Variants in GALNTL5 observed in about 807,000 individuals in gnomAD.
The protein encoded by GALNTL5 is polypeptide N-acetylgalactosaminyltransferase like 5.
In GALNTL5, 44 loss-of-function variants were observed where a neutral mutation model predicts 51.0. The observed-to-expected ratio is 0.86, with a 90% CI of 0.68 to 1.11. The LOEUF (loss-of-function observed/expected upper bound fraction) is 1.11, where lower values mean the gene tolerates loss of function less well. GALNTL5 is among the 50% of genes least tolerant of loss of function. The pLI is 0.00. For missense variants in GALNTL5, 528 were observed against 531.8 expected, an observed-to-expected ratio of 0.99 and a Z score of 0.07; for synonymous variants, 192 against 182.8, an observed-to-expected ratio of 1.05 and a Z score of -0.41.
Position 151,967,595 on chromosome 7 carries a change from A to C in GALNTL5, c.247+102A>C, listed in dbSNP as rs1043096211. 7.6e-6 allele frequency: 7 copies of C among 917,524 alleles called. No individual in the cohort carries two copies. In the Admixed American group the frequency reaches 7.7e-5, roughly 10 times the overall value. The allele number at this position is 917,524 out of a possible 1,614,324, so 56.8% of individuals were successfully genotyped here. ...GAGACTATCCTTTTTAAAGCAATTTACTTTTTAAGATATAAATTATTTTAT... is the reference window on the plus strand; with the variant it reads ...GAGACTATCCTTTTTAAAGCAATTTCCTTTTTAAGATATAAATTATTTTAT... On this transcript the variant is annotated intron_variant, in intron 2 of 8. Coordinates refer to ENST00000392800, the MANE Select transcript of GALNTL5 (RefSeq NM_145292.4).
intron 3 of GALNTL5, among the ~76,000 whole-genome samples, chr7:151,973,043 G>A (rs1180082071): frequency 6.6e-6 from 1 of 152,160 alleles, no homozygotes; most frequent in Non-Finnish European, 1.5e-5. Flanking sequence ...GAAAGCAGCT[G>A]CGGGGGATGT....
At chr7:151,956,857 C>T (rs1374203589) in intron 1 of GALNTL5, among the ~76,000 whole-genome samples, 1 of 152,036 alleles carries the variant, frequency 6.6e-6, no homozygotes, top group African/African-American at 2.4e-5. Context: ...GGAAACTTTT[C>T]ATTACATGTG....
chr7:152,008,345 C>A (rs1298485109), intron 7 of GALNTL5, among the ~76,000 whole-genome samples: 1 of 151,780 alleles, frequency 6.6e-6, no homozygotes, highest in East Asian at 2.0e-4. Flanking sequence ...CCTCCCAAAG[C>A]ACTGAGATTA....
chr7:151,993,714 G>C (rs2081457121), intron 5 of GALNTL5, among the ~76,000 whole-genome samples: 5 of 152,024 alleles, frequency 3.3e-5, no homozygotes, highest in Admixed American at 3.3e-4. Context: ...CGAACTCCTG[G>C]GGTCAAGTGA....
chr7:151,969,985 T>C (rs1435226707), intron 2 of GALNTL5, among the ~76,000 whole-genome samples: 1 of 145,498 alleles, frequency 6.9e-6, no homozygotes, highest in South Asian at 2.2e-4. Flanking sequence ...TTTTTTTTTG[T>C]ATTTTTAGGA....
At chr7:152,018,434 CTT>C (rs1427491119) in intron 8 of GALNTL5, among the ~76,000 whole-genome samples, 1 of 151,972 alleles carries the variant, frequency 6.6e-6, no homozygotes, top group Non-Finnish European at 1.5e-5. Context: ...TACGACAACT[CTT>C]GAGCTTATTT....
At chr7:151,999,465 C>T (rs1011895345) in intron 5 of GALNTL5, among the ~76,000 whole-genome samples, 2 of 152,238 alleles carry the variant, frequency 1.3e-5, no homozygotes, top group African/African-American at 4.8e-5. Context: ...ACCATTTACA[C>T]TCCCACCAGC....
intron 3 of GALNTL5, among the ~76,000 whole-genome samples, chr7:151,977,120 T>C (rs2081216564): frequency 6.6e-6 from 1 of 152,202 alleles, no homozygotes; most frequent in Admixed American, 6.5e-5. Flanking sequence ...CTAAATTATA[T>C]GTTATGACAA....
At chr7:151,974,039 T>C (rs1055544351) in intron 3 of GALNTL5, among the ~76,000 whole-genome samples, 8 of 152,186 alleles carry the variant, frequency 5.3e-5, no homozygotes, top group Non-Finnish European at 1.0e-4. Flanking sequence ...TCTGCCATGA[T>C]TATAAGTTTC....
intron 1 of GALNTL5, among the ~76,000 whole-genome samples, chr7:151,960,839 G>A (rs546419200): frequency 2.0e-5 from 3 of 152,334 alleles, no homozygotes; most frequent in Admixed American, 6.5e-5. Context: ...TCTCGGTAGC[G>A]CAGCACAGCA....
intron 6 of GALNTL5, among the ~76,000 whole-genome samples, chr7:152,004,001 T>A (rs1175859189): frequency 6.6e-6 from 1 of 152,140 alleles, no homozygotes; most frequent in Non-Finnish European, 1.5e-5. Context: ...AAATTAAGAA[T>A]CTTATAAATA....
intron 7 of GALNTL5, among the ~76,000 whole-genome samples, chr7:152,008,757 T>A (rs1334127665): frequency 1.3e-5 from 2 of 152,202 alleles, no homozygotes; most frequent in Non-Finnish European, 2.9e-5. Flanking sequence ...TTTGCTTGCT[T>A]TGTTTTTTTC....
chr7:151,993,148 T>C lies in GALNTL5; in HGVS notation c.658+5867T>C, dbSNP rs1330209680. 7.9e-5 allele frequency among the ~76,000 whole-genome samples: 12 copies of C among 151,560 alleles called. 1 individual carries two copies. The highest frequency in any genetic ancestry group is 7.9e-4 in the Admixed American group (12 of 15,202). ...ACTCAGGAGGCTGAGGCAGGAGAAT[T>C]GCTTGAACCCAGGAGGTGGAGGCTG... On this transcript the variant is annotated intron_variant, in intron 5 of 8. Transcript: ENST00000392800.
intron 5 of GALNTL5, among the ~76,000 whole-genome samples, chr7:151,989,665 T>A (rs2081402432): frequency 6.6e-6 from 1 of 152,212 alleles, no homozygotes; most frequent in South Asian, 2.1e-4. Flanking sequence ...AATGCCAAAT[T>A]GTCCTTGAAA....
chr7:152,000,942 G>A (rs1160653720), intron 5 of GALNTL5, among the ~76,000 whole-genome samples: 1 of 113,144 alleles, frequency 8.8e-6, no homozygotes, highest in African/African-American at 3.7e-5. Context: ...GTCTTGCTCT[G>A]TCACCCAGGC....
intron 5 of GALNTL5, chr7:151,995,347 AATTT>A (rs2081484212): frequency 1.1e-5 from 1 of 91,052 alleles, no homozygotes; most frequent in African/African-American, 4.0e-5. Context: ...AGTTGGTATG[AATTT>A]TTTTTTTTTT....
intron 2 of GALNTL5, among the ~76,000 whole-genome samples, chr7:151,967,866 A>T (rs2081079627): frequency 6.6e-6 from 1 of 152,084 alleles, no homozygotes; most frequent in African/African-American, 2.4e-5. Context: ...TCCTCTGTAT[A>T]TTATCCCTAA....
chr7:151,999,245 CCA>C (rs1197911972), intron 5 of GALNTL5, among the ~76,000 whole-genome samples: 1 of 152,080 alleles, frequency 6.6e-6, no homozygotes, highest in Non-Finnish European at 1.5e-5. Context: ...CTGTGATACA[CCA>C]CAGTTTGTTT....
chr7:151,963,981 C>G (rs796585266), intron 1 of GALNTL5, among the ~76,000 whole-genome samples: 7 of 152,326 alleles, frequency 4.6e-5, no homozygotes, highest in African/African-American at 1.7e-4. Context: ...GCTGCCATAA[C>G]CAAGTCCAAC....
Sources: allele counts gnomAD v4.1 joint callset (sites outside exome capture counted in the v4.1 genomes callset), GRCh38; gene constraint gnomAD v4.1.1; transcripts MANE v1.5; gene names NCBI Gene and HGNC (gene_info 2026-07-23, HGNC 2026-07-21).